Variants in PMPCB observed in about 807,000 individuals in gnomAD.
PMPCB encodes the protein peptidase, mitochondrial processing subunit beta, also known as mitochondrial-processing peptidase subunit beta.
In PMPCB, 46 loss-of-function variants were observed where a neutral mutation model predicts 61.5. The observed-to-expected ratio is 0.75, with a 90% CI of 0.59 to 0.96. PMPCB has a LOEUF of 0.96. PMPCB is among the 40% of genes least tolerant of loss of function. The pLI is 0.00. For synonymous variants in PMPCB, 191 were observed against 201.6 expected (o/e 0.95, Z 0.44); for missense variants, 590 against 602.4 (o/e 0.98, Z 0.22).
chr7:103,312,381 A>ATACTT lies in PMPCB; in HGVS notation c.*112_*116dup. 6.5e-7 allele frequency: 1 copy of ATACTT among 1,535,344 alleles called. No homozygotes were observed. The highest frequency in any genetic ancestry group is 8.7e-7 in the Non-Finnish European group (1 of 1,149,810). ...GGAAATTTGAATTAAATACTGTATCATACTTTCAAAGGATAAAAAGACTAC... is the reference window on the plus strand; with the variant it reads ...GGAAATTTGAATTAAATACTGTATCATACTTTACTTTCAAAGGATAAAAAGACTAC... On this transcript the variant is annotated 3_prime_UTR_variant, in exon 13 of 13. Coordinates refer to ENST00000249269, the MANE Select transcript of PMPCB (RefSeq NM_004279.3).
At chr7:103,315,898 T>C (rs371053692), downstream of PMPCB, 28 of 1,562,124 alleles carry the variant, frequency 1.8e-5, no homozygotes, top group Non-Finnish European at 2.5e-5. Flanking sequence ...ATTTAATACT[T>C]AACAGATCAT....
At chr7:103,323,275 A>C (rs1485203881) in intron 12 of PMPCB, among the ~76,000 whole-genome samples, 1 of 152,106 alleles carries the variant, frequency 6.6e-6, no homozygotes, top group Admixed American at 6.6e-5. Context: ...TTTTTTGCAC[A>C]TTCATGTCAA....
intron 9 of PMPCB, 189 bp downstream of exon 9, chr7:103,310,664 A>T (rs2115706594): frequency 9.5e-6 from 3 of 315,174 alleles, no homozygotes; most frequent in Non-Finnish European, 1.7e-5. Context: ...AAGCTGATTT[A>T]TACTATAGAA....
intron 5 of PMPCB, 108 bp from the exon 6 acceptor site, chr7:103,304,303 T>C: frequency 2.8e-6 from 2 of 725,756 alleles, no homozygotes; most frequent in Non-Finnish European, 2.4e-6. Context: ...ATCCTATTTC[T>C]GACTGCATTT....
At chr7:103,307,831 G>A (rs1289306333) in intron 7 of PMPCB, 123 bp downstream of exon 7, 3 of 625,198 alleles carry the variant, frequency 4.8e-6, no homozygotes, top group Non-Finnish European at 8.6e-6. Flanking sequence ...AAAGGGAAGA[G>A]GATGTACTCA....
chr7:103,326,000 T>A lies in PMPCB; in HGVS notation c.*1432-2931T>A, dbSNP rs553031641. Among the ~76,000 whole-genome samples, 196 of 147,762 alleles carry A rather than the reference T, an allele frequency of 1.3e-3. 1 individual carries two copies. Among genetic ancestry groups the A allele is most frequent in the African/African-American group, 4.5e-3 (183 of 40,714 alleles). On this transcript the variant is annotated intron_variant and NMD_transcript_variant, in intron 12 of 12. Transcript: ENST00000444457. Reference sequence around the variant, plus strand: ...TACTGTTATTTCTCTCAAAGCAAAATTTTTTTTTTTTGAGATGGAGTCTTG... The same window carrying A: ...TACTGTTATTTCTCTCAAAGCAAAAATTTTTTTTTTTGAGATGGAGTCTTG...
the PMPCB span, among the ~76,000 whole-genome samples, chr7:103,339,773 T>G: frequency 6.6e-6 from 1 of 151,730 alleles, no homozygotes; most frequent in African/African-American, 2.4e-5. Context: ...GGTCCAGTGT[T>G]TTTTAAAATA....
the PMPCB span, chr7:103,337,064 A>G: frequency 1.3e-5 from 2 of 152,194 alleles, no homozygotes; most frequent in African/African-American, 2.4e-5. Flanking sequence ...AGGGCAGAAC[A>G]TTCTCCTAAG....
chr7:103,332,304 G>A (rs1276584506), downstream of PMPCB, among the ~76,000 whole-genome samples: 6 of 152,010 alleles, frequency 3.9e-5, no homozygotes, highest in East Asian at 7.7e-4. Context: ...TGCACCCAGC[G>A]AATTTGCTAT....
chr7:103,306,118 C>A (rs1817568349), intron 6 of PMPCB, among the ~76,000 whole-genome samples: 1 of 152,132 alleles, frequency 6.6e-6, no homozygotes, highest in Non-Finnish European at 1.5e-5. Flanking sequence ...TTTCTGCTGA[C>A]CTCTGAATTA....
chr7:103,322,823 C>G (rs199531053), intron 12 of PMPCB: 103 of 1,533,574 alleles, frequency 6.7e-5, no homozygotes, highest in African/African-American at 1.2e-4. Context: ...TGGAAACAAA[C>G]TACTGCTTAT....
chr7:103,328,007 G>A (rs1384597218), intron 12 of PMPCB, among the ~76,000 whole-genome samples: 1 of 152,016 alleles, frequency 6.6e-6, no homozygotes, highest in African/African-American at 2.4e-5. Context: ...TGCAACCTCC[G>A]CCTCCCGGGT....
chr7:103,329,898 T>G (rs1253797654), downstream of PMPCB, among the ~76,000 whole-genome samples: 1 of 152,192 alleles, frequency 6.6e-6, no homozygotes, highest in Non-Finnish European at 1.5e-5. Flanking sequence ...TTTCCTTCTT[T>G]CCAATAGTTG....
At chr7:103,343,972 T>G in the PMPCB span, among the ~76,000 whole-genome samples, 1 of 152,230 alleles carries the variant, frequency 6.6e-6, no homozygotes, top group South Asian at 2.1e-4. Flanking sequence ...ACAATACTCA[T>G]GACTGTCCTG....
chr7:103,337,672 A>G, the PMPCB span: 1 of 1,313,434 alleles, frequency 7.6e-7, no homozygotes, highest in Non-Finnish European at 1.1e-6. Flanking sequence ...ATATCTTTTA[A>G]AAAGCATAGC....
At chr7:103,347,208 G>GT in the PMPCB span, among the ~76,000 whole-genome samples, 15 of 152,152 alleles carry the variant, frequency 9.9e-5, no homozygotes, top group African/African-American at 3.6e-4. Context: ...CTTATTTTCT[G>GT]TTTTGTTTTT....
At position 103,314,669 on chromosome 7, in the gene PMPCB, G is replaced by A. The variant is rs1586060602; in HGVS notation, c.*2398G>A. ...GTTACTTACCTTTATTAAAAGAACC[G>A]AAATAATGCCTAACTCAGCCAAACA... On this transcript the variant is annotated 3_prime_UTR_variant, in exon 13 of 13. Transcript: ENST00000249269. The A allele has an allele frequency of 3.0e-6, 3 of 984,690 alleles. No individual in the cohort carries two copies. Among genetic ancestry groups the A allele is most frequent in the South Asian group, 4.7e-5 (1 of 21,288 alleles). The allele number at this position is 984,690 out of a possible 1,614,324, so 61.0% of individuals were successfully genotyped here.
At chr7:103,326,703 A>G in intron 12 of PMPCB, 1 of 1,596,418 alleles carries the variant, frequency 6.3e-7, no homozygotes, top group Non-Finnish European at 8.5e-7. Context: ...AAAATTGTTA[A>G]GATCACATCA....
chr7:103,316,104 A>G (rs370806379), downstream of PMPCB: 23 of 1,470,630 alleles, frequency 1.6e-5, no homozygotes, highest in South Asian at 1.4e-4. Context: ...AGGATATATT[A>G]TACAATAATA....
Sources: gnomAD v4.1 joint callset for allele counts (sites outside exome capture counted in the v4.1 genomes callset) on GRCh38, gnomAD v4.1.1 for gene constraint, MANE v1.5 for transcripts, NCBI Gene and HGNC (gene_info 2026-07-23, HGNC 2026-07-21) for gene names.